DIPK1A: variants seen among roughly 807,000 people sequenced by gnomAD.
The protein encoded by DIPK1A is family with sequence similarity 69 member A.
In DIPK1A, 27 loss-of-function variants were observed where a neutral mutation model predicts 40.8. The ratio of observed to expected loss-of-function variants is 0.66; its 90% confidence interval spans 0.49 to 0.91. The LOEUF (loss-of-function observed/expected upper bound fraction) is 0.91, where lower values mean the gene tolerates loss of function less well. DIPK1A is among the 40% of genes least tolerant of loss of function. The pLI is 0.00. For synonymous variants in DIPK1A, 166 were observed against 171.3 expected (o/e 0.97, Z 0.24); for missense variants, 412 against 505.7 (o/e 0.81, Z 1.78).
chr1:92,855,402 C>CA (rs1009308408), intron 2 of DIPK1A, among the ~76,000 whole-genome samples: 6 of 151,612 alleles, frequency 4.0e-5, no homozygotes, highest in African/African-American at 4.8e-5. Context: ...AACAAACAAA[C>CA]AAAAAAAACC....
At chr1:92,956,068 AAAAAG>A (rs1651841036) in intron 1 of DIPK1A, among the ~76,000 whole-genome samples, 2 of 152,064 alleles carry the variant, frequency 1.3e-5, no homozygotes, top group Admixed American at 6.6e-5. Context: ...AAAGGGGAAA[AAAAAG>A]AAAAGAAAAG....
At chr1:92,952,766 T>A (rs1184808887) in intron 1 of DIPK1A, among the ~76,000 whole-genome samples, 1 of 152,002 alleles carries the variant, frequency 6.6e-6, no homozygotes, top group Non-Finnish European at 1.5e-5. Context: ...CTTTATGGCT[T>A]TTTTTTAAAA....
intron 2 of DIPK1A, among the ~76,000 whole-genome samples, chr1:92,870,517 C>A (rs542120002): frequency 2.0e-5 from 3 of 152,346 alleles, no homozygotes; most frequent in African/African-American, 4.8e-5. Context: ...TGAGCCACTG[C>A]GCCCAGCCTG....
chr1:92,847,582 A>G (rs1321401343), intron 3 of DIPK1A, among the ~76,000 whole-genome samples: 2 of 152,184 alleles, frequency 1.3e-5, no homozygotes, highest in African/African-American at 4.8e-5. Context: ...ATGCCTAAAT[A>G]TATTTTTCAA....
rs1050892136 is a variant in DIPK1A, at chr1:92,934,556, A to G, written c.54+26820T>C. Among the ~76,000 whole-genome samples, 4 of 152,188 alleles carry G rather than the reference A, an allele frequency of 2.6e-5. No individual in the cohort carries two copies. The South Asian group carries it at 8.3e-4, about 31-fold the overall frequency. On this transcript the variant is annotated intron_variant, in intron 1 of 4. Transcript: ENST00000370310. ...GTTTTCTATTTGTGGAAACACACAT[A>G]CTTGCATAGTTCAAATGTATTTCCT... is the stretch of plus-strand genomic sequence containing the variant.
At chr1:92,833,064 C>T (rs554425454) in intron 4 of DIPK1A, 5 of 726,782 alleles carry the variant, frequency 6.9e-6, no homozygotes, top group African/African-American at 6.9e-5. Flanking sequence ...AAATTGAAAG[C>T]GTTTAAAACC....
In DIPK1A at chr1:92,843,656, GAC is replaced by G; in HGVS notation, c.1012_1013del (p.Val338LeufsTer6). 1 of 1,551,716 alleles carries G rather than the reference GAC, an allele frequency of 6.4e-7. No homozygotes were observed. Among genetic ancestry groups the G allele is most frequent in the Non-Finnish European group, 8.7e-7 (1 of 1,147,008 alleles). On this transcript the variant is annotated frameshift_variant, in exon 5 of 5. Coordinates refer to ENST00000370310, the MANE Select transcript of DIPK1A (RefSeq NM_001006605.5). LOFTEE classifies it high-confidence loss of function. ...AGCTAGTTCTACAATCTGTGCCATA[GAC>G]ACAGTCCAAATCAGACTCACAGTGA... Reference protein sequence around the residue: ...DRHCESDLDCVYGTDCRTSCD... With the variant: ...DRHCESDLDCXYGTDCRTSCD...
At chr1:92,857,915 C>T (rs1387584652) in intron 2 of DIPK1A, among the ~76,000 whole-genome samples, 1 of 152,060 alleles carries the variant, frequency 6.6e-6, no homozygotes, top group Non-Finnish European at 1.5e-5. Flanking sequence ...GGTTTAGCAC[C>T]GACTGTGTCA....
intron 1 of DIPK1A, among the ~76,000 whole-genome samples, chr1:92,941,600 C>T (rs1651152804): frequency 6.6e-6 from 1 of 152,126 alleles, no homozygotes; most frequent in East Asian, 1.9e-4. Context: ...GTTTTTACAT[C>T]CAGGGCAATG....
At chr1:92,867,651 G>A (rs543709392) in intron 2 of DIPK1A, among the ~76,000 whole-genome samples, 168 of 152,102 alleles carry the variant, frequency 1.1e-3, no homozygotes, top group African/African-American at 4.0e-3. Context: ...GATTATAGGC[G>A]TGCACTGGCA....
chr1:92,935,141 G>A (rs1403058027), intron 1 of DIPK1A, among the ~76,000 whole-genome samples: 2 of 152,118 alleles, frequency 1.3e-5, no homozygotes, highest in African/African-American at 4.8e-5. Flanking sequence ...ACAGCTAGTT[G>A]GTGACAGGAC....
At chr1:92,884,178 G>A (rs927606312) in intron 1 of DIPK1A, among the ~76,000 whole-genome samples, 1 of 152,160 alleles carries the variant, frequency 6.6e-6, no homozygotes, top group African/African-American at 2.4e-5. Flanking sequence ...ATGATATTAA[G>A]AGCGGTGGCT....
At chr1:92,926,011 C>G (rs1309066410) in intron 1 of DIPK1A, among the ~76,000 whole-genome samples, 1 of 151,822 alleles carries the variant, frequency 6.6e-6, no homozygotes, top group Admixed American at 6.6e-5. Context: ...TTTTTTTGAT[C>G]TTTTGAAAAA....
At chr1:92,946,732 C>T (rs1485610959) in intron 1 of DIPK1A, among the ~76,000 whole-genome samples, 1 of 152,058 alleles carries the variant, frequency 6.6e-6, no homozygotes, top group Non-Finnish European at 1.5e-5. Context: ...TGCTTGAGCC[C>T]AGGAGTTTGA....
intron 1 of DIPK1A, among the ~76,000 whole-genome samples, chr1:92,900,628 G>A (rs1649373481): frequency 6.6e-6 from 1 of 151,640 alleles, no homozygotes; most frequent in South Asian, 2.1e-4. Flanking sequence ...ATTGGGGTCT[G>A]TCACTAGAGA....
chr1:92,865,032 A>G (rs1369084749), intron 2 of DIPK1A, among the ~76,000 whole-genome samples: 1 of 103,754 alleles, frequency 9.6e-6, no homozygotes, highest in Non-Finnish European at 1.8e-5. Context: ...ACAGAGTGAG[A>G]CTCCGTCTCA....
chr1:92,846,692 GA>G, intron 4 of DIPK1A: 3 of 291,396 alleles, frequency 1.0e-5, no homozygotes, highest in Non-Finnish European at 2.0e-5. Flanking sequence ...GCAGTGGTGA[GA>G]TCTTGGCTCA....
At chr1:92,943,452 G>A (rs1651245776) in intron 1 of DIPK1A, among the ~76,000 whole-genome samples, 1 of 152,164 alleles carries the variant, frequency 6.6e-6, no homozygotes, top group Non-Finnish European at 1.5e-5. Flanking sequence ...AGTGAGAAGT[G>A]AGGTTGAAGA....
chr1:92,923,443 T>C lies in DIPK1A; in HGVS notation c.54+37933A>G, dbSNP rs184761978. 3.3e-5 allele frequency among the ~76,000 whole-genome samples: 5 copies of C among 152,308 alleles called. No individual in the cohort carries two copies. In the East Asian group the frequency reaches 7.7e-4, roughly 23 times the overall value. ...GAGCCACCTCACTCAGCCTGTTCCT[T>C]ATACTTTTATACTTCAGTTCCACAG... On this transcript the variant is annotated intron_variant, in intron 1 of 4. Transcript: ENST00000370310.
Sources: allele counts gnomAD v4.1 joint callset (sites outside exome capture counted in the v4.1 genomes callset), GRCh38; gene constraint gnomAD v4.1.1; transcripts MANE v1.5; gene names NCBI Gene and HGNC (gene_info 2026-07-23, HGNC 2026-07-21).